PPARGC1A: variants seen among roughly 807,000 people sequenced by gnomAD.
PPARGC1A encodes the protein peroxisome proliferator-activated receptor gamma coactivator 1-alpha.
In PPARGC1A, 25 loss-of-function variants were observed where a neutral mutation model predicts 88.7. The observed-to-expected ratio is 0.28, with a 90% CI of 0.21 to 0.39. The LOEUF is 0.39. Among genes scored for constraint, PPARGC1A ranks in the 10% least tolerant of loss-of-function variants. PPARGC1A has a pLI of 1.00. For missense variants in PPARGC1A, 880 were observed against 968.7 expected, an observed-to-expected ratio of 0.91 and a Z score of 1.22; for synonymous variants, 363 against 355.6, an observed-to-expected ratio of 1.02 and a Z score of -0.24.
At chr4:24,467,488 CTCATCTCCGGGGATGCCAACA>C in the PPARGC1A span, among the ~76,000 whole-genome samples, 1 of 152,054 alleles carries the variant, frequency 6.6e-6, no homozygotes, top group Non-Finnish European at 1.5e-5. Context: ...CAAGTCTTGG[CTCATCTCCGGGGATGCCAACA>C]TTGTCACCAC....
the PPARGC1A span, among the ~76,000 whole-genome samples, chr4:24,331,606 G>A: frequency 6.6e-6 from 1 of 152,050 alleles, no homozygotes; most frequent in Non-Finnish European, 1.5e-5. Context: ...TTTGTTGATT[G>A]AATCTTCACT....
At chr4:24,196,566 A>C in the PPARGC1A span, among the ~76,000 whole-genome samples, 2 of 152,234 alleles carry the variant, frequency 1.3e-5, no homozygotes, top group South Asian at 4.1e-4. Context: ...CCAGTGGAGA[A>C]GGCTGCAATG....
upstream of PPARGC1A, among the ~76,000 whole-genome samples, chr4:23,902,425 C>G (rs190530627): frequency 7.4e-4 from 113 of 152,330 alleles, no homozygotes; most frequent in African/African-American, 2.4e-3. Context: ...CAGGACTTCA[C>G]AGGGCTCAGC....
At chr4:24,409,700 T>C in the PPARGC1A span, among the ~76,000 whole-genome samples, 1 of 152,336 alleles carries the variant, frequency 6.6e-6, no homozygotes, top group African/African-American at 2.4e-5. Flanking sequence ...GTGGCCTGAC[T>C]AAACTATAAG....
At chr4:24,328,167 A>C in the PPARGC1A span, among the ~76,000 whole-genome samples, 7 of 152,142 alleles carry the variant, frequency 4.6e-5, no homozygotes, top group South Asian at 6.3e-4. Flanking sequence ...CCATGTTGCT[A>C]ATACAAAGCC....
chr4:23,992,552 G>A, the PPARGC1A span, among the ~76,000 whole-genome samples: 1 of 151,972 alleles, frequency 6.6e-6, no homozygotes, highest in South Asian at 2.1e-4. Context: ...GCCAAGTTGG[G>A]ATTTGAACTC....
chr4:24,232,749 G>A, the PPARGC1A span, among the ~76,000 whole-genome samples: 1 of 152,142 alleles, frequency 6.6e-6, no homozygotes, highest in Non-Finnish European at 1.5e-5. Flanking sequence ...GATACCCACA[G>A]GATCAAACAA....
At chr4:23,983,127 C>A in the PPARGC1A span, among the ~76,000 whole-genome samples, 1 of 151,960 alleles carries the variant, frequency 6.6e-6, no homozygotes, top group African/African-American at 2.4e-5. Flanking sequence ...ATCAAACAAA[C>A]CTTTCTGTAG....
the PPARGC1A span, among the ~76,000 whole-genome samples, chr4:24,453,596 G>A: frequency 2.0e-5 from 3 of 152,144 alleles, no homozygotes; most frequent in East Asian, 1.9e-4. Flanking sequence ...CCTGACTAAC[G>A]TGGTAAAACC....
chr4:23,972,262 C>T, the PPARGC1A span, among the ~76,000 whole-genome samples: 1 of 152,160 alleles, frequency 6.6e-6, no homozygotes, highest in Non-Finnish European at 1.5e-5. Context: ...AAATCTCTTG[C>T]CAGTAGAACA....
chr4:24,001,617 T>G, the PPARGC1A span, among the ~76,000 whole-genome samples: 4 of 152,332 alleles, frequency 2.6e-5, 1 homozygote, highest in African/African-American at 9.6e-5. Flanking sequence ...AAGCTCACTA[T>G]AAAGCTCCTA....
the PPARGC1A span, among the ~76,000 whole-genome samples, chr4:24,053,951 C>T: frequency 2.0e-5 from 3 of 152,176 alleles, no homozygotes; most frequent in Admixed American, 1.3e-4. Context: ...TGGAATGCTG[C>T]TTTAATCATC....
the PPARGC1A span, among the ~76,000 whole-genome samples, chr4:24,245,446 G>A: frequency 1.3e-5 from 2 of 152,176 alleles, no homozygotes; most frequent in Non-Finnish European, 2.9e-5. Flanking sequence ...CACACCCTGT[G>A]GAAGCTTCGA....
the PPARGC1A span, among the ~76,000 whole-genome samples, chr4:24,437,594 T>TTGTTG: frequency 1.2e-4 from 17 of 143,754 alleles, no homozygotes; most frequent in African/African-American, 3.9e-4. Flanking sequence ...GCACAGGTTT[T>TTGTTG]TTGTTGTTGT....
At chr4:24,292,801 G>A in the PPARGC1A span, among the ~76,000 whole-genome samples, 5 of 8,330 alleles carry the variant, frequency 6.0e-4, 1 homozygote, top group East Asian at 0.01. Context: ...CTCTGCCTGT[G>A]CTCCTCCCCA....
the PPARGC1A span, among the ~76,000 whole-genome samples, chr4:24,183,058 C>A: frequency 6.6e-6 from 1 of 152,090 alleles, no homozygotes; most frequent in Non-Finnish European, 1.5e-5. Context: ...GACAAAATAG[C>A]TTCTGCAATA....
At chr4:24,299,468 T>C in the PPARGC1A span, among the ~76,000 whole-genome samples, 2 of 152,194 alleles carry the variant, frequency 1.3e-5, no homozygotes, top group East Asian at 1.9e-4. Flanking sequence ...GGTTGCAGAA[T>C]GCCCTGGAGC....
the PPARGC1A span, among the ~76,000 whole-genome samples, chr4:24,063,568 C>A: frequency 1.1e-4 from 17 of 152,040 alleles, no homozygotes; most frequent in Admixed American, 9.8e-4. Flanking sequence ...AGGTTCCTAG[C>A]GATAAATATT....
chr4:24,453,296 T>C, the PPARGC1A span, among the ~76,000 whole-genome samples: 3 of 152,250 alleles, frequency 2.0e-5, no homozygotes, highest in Non-Finnish European at 4.4e-5. Flanking sequence ...TGGTACTTGT[T>C]ACAGCAGCTC....
Sources: allele counts gnomAD v4.1 joint callset (sites outside exome capture counted in the v4.1 genomes callset), GRCh38; gene constraint gnomAD v4.1.1; transcripts MANE v1.5; gene names NCBI Gene and HGNC (gene_info 2026-07-23, HGNC 2026-07-21).